Variants in TRDN observed in about 807,000 individuals in gnomAD.
TRDN encodes triadin in skeletal muscle.
In TRDN, 161 loss-of-function variants were observed where a neutral mutation model predicts 149.7. That is an observed-to-expected ratio of 1.08 (90% CI 0.95 to 1.23). TRDN has a LOEUF of 1.23. Among genes scored for constraint, TRDN ranks in the 50% most tolerant of loss-of-function variants. The probability of loss-of-function intolerance (pLI) is 0.00; values close to 1 mark genes in which losing one functional copy is unlikely to be tolerated. For missense variants in TRDN, 896 were observed against 823.5 expected, an observed-to-expected ratio of 1.09 and a Z score of -1.08; for synonymous variants, 294 against 250.5, an observed-to-expected ratio of 1.17 and a Z score of -1.64.
In TRDN at chr6:123,237,167, C is replaced by T. The variant is rs960643249; in HGVS notation, c.1976-13036G>A. 3.3e-4 allele frequency among the ~76,000 whole-genome samples: 23 copies of T among 69,542 alleles called. No individual in the cohort carries two copies. The Admixed American group carries it at 3.3e-3, about 10-fold the overall frequency. The allele number at this position is 69,542 out of a possible 152,430, so 45.6% of individuals were successfully genotyped here. On this transcript the variant is annotated intron_variant, in intron 38 of 40. Coordinates refer to ENST00000334268, the MANE Select transcript of TRDN (RefSeq NM_006073.4). The stretch of plus-strand genomic sequence containing the variant: ...CATAAGTATTTCATATTAGGTAACA[C>T]GAACTAATTTTTTTTAAATTTTGTT...
At chr6:123,236,743 T>G (rs1228709751) in intron 38 of TRDN, among the ~76,000 whole-genome samples, 2 of 152,144 alleles carry the variant, frequency 1.3e-5, no homozygotes, top group Non-Finnish European at 2.9e-5. Context: ...ACAAATCAAA[T>G]GGTTATGTTA....
intron 2 of TRDN, among the ~76,000 whole-genome samples, chr6:123,561,863 AC>A (rs552993702): frequency 2.0e-5 from 3 of 149,470 alleles, no homozygotes; most frequent in Non-Finnish European, 3.0e-5. Flanking sequence ...TTTCCATACC[AC>A]CCCCCAAAAA....
chr6:123,619,356 G>T (rs1190012300), intron 1 of TRDN, among the ~76,000 whole-genome samples: 3 of 152,122 alleles, frequency 2.0e-5, no homozygotes, highest in African/African-American at 7.2e-5. Context: ...CATTCACATT[G>T]CTGGAAAGTT....
At chr6:123,323,571 A>G (rs1562262049) in intron 23 of TRDN, among the ~76,000 whole-genome samples, 1 of 152,186 alleles carries the variant, frequency 6.6e-6, no homozygotes, top group South Asian at 2.1e-4. Flanking sequence ...TCATGACTCA[A>G]TGCTTTATGC....
chr6:123,330,856 T>A (rs565538009), intron 23 of TRDN, among the ~76,000 whole-genome samples: 4 of 152,152 alleles, frequency 2.6e-5, no homozygotes, highest in Admixed American at 1.3e-4. Context: ...CCTCTCCCGC[T>A]GATCTCCATA....
chr6:123,364,215 C>T (rs982496639), intron 20 of TRDN, among the ~76,000 whole-genome samples: 2 of 152,208 alleles, frequency 1.3e-5, no homozygotes, highest in Non-Finnish European at 2.9e-5. Flanking sequence ...TTTCTTCTAA[C>T]AATATCCAGG....
intron 32 of TRDN, among the ~76,000 whole-genome samples, chr6:123,265,624 A>T (rs1001544485): frequency 6.7e-6 from 1 of 149,380 alleles, no homozygotes; most frequent in Non-Finnish European, 1.5e-5. Flanking sequence ...AATGCTCACA[A>T]AAATCTGAAC....
At chr6:123,311,435 G>T (rs1478394748) in intron 24 of TRDN, among the ~76,000 whole-genome samples, 1 of 151,924 alleles carries the variant, frequency 6.6e-6, no homozygotes, top group African/African-American at 2.4e-5. Context: ...TTATGGAGTG[G>T]CTCCATCAAT....
chr6:123,505,244 CAAAAAAAAAAAAAA>C (rs34096424), intron 7 of TRDN, among the ~76,000 whole-genome samples: 2 of 77,068 alleles, frequency 2.6e-5, no homozygotes, highest in Non-Finnish European at 4.4e-5. Flanking sequence ...AACTCTGTCT[CAAAAAAAAAAAAAA>C]AAAAAAAAAA....
At chr6:123,270,505 T>A (rs1777170049) in intron 30 of TRDN, among the ~76,000 whole-genome samples, 1 of 151,958 alleles carries the variant, frequency 6.6e-6, no homozygotes, top group South Asian at 2.1e-4. Flanking sequence ...GATTTCTGTC[T>A]TGGAATCAAA....
At chr6:123,440,977 GAGC>G (rs968450546) in intron 10 of TRDN, 2 of 151,172 alleles carry the variant, frequency 1.3e-5, no homozygotes, top group African/African-American at 4.9e-5. Flanking sequence ...TCATGAATAA[GAGC>G]AGAAGTCCAC....
chr6:123,426,739 C>T (rs1468106409), intron 12 of TRDN, among the ~76,000 whole-genome samples: 1 of 152,016 alleles, frequency 6.6e-6, no homozygotes, highest in Non-Finnish European at 1.5e-5. Flanking sequence ...CATTTTTGAC[C>T]TTATATTCCA....
At chr6:123,483,847 G>C (rs1406041655) in intron 9 of TRDN, among the ~76,000 whole-genome samples, 1 of 152,164 alleles carries the variant, frequency 6.6e-6, no homozygotes, top group Non-Finnish European at 1.5e-5. Flanking sequence ...CTCAGATGTT[G>C]ATGAAGATGT....
chr6:123,412,853 T>C (rs1773498714), intron 12 of TRDN, among the ~76,000 whole-genome samples: 1 of 151,992 alleles, frequency 6.6e-6, no homozygotes, highest in Admixed American at 6.6e-5. Context: ...TGTGATAAAA[T>C]CATAAGAAAA....
At chr6:123,567,807 A>G (rs1279130825) in intron 2 of TRDN, among the ~76,000 whole-genome samples, 1 of 152,182 alleles carries the variant, frequency 6.6e-6, no homozygotes, top group Admixed American at 6.5e-5. Flanking sequence ...ACAATTTGAC[A>G]TGAGATTATA....
At chr6:123,276,681 G>T (rs1177851427) in intron 26 of TRDN, among the ~76,000 whole-genome samples, 1 of 152,078 alleles carries the variant, frequency 6.6e-6, no homozygotes, top group East Asian at 1.9e-4. Flanking sequence ...TAGAGATGTG[G>T]TTATCCAGGA....
At chr6:123,262,640 T>C (rs1776812450) in intron 33 of TRDN, among the ~76,000 whole-genome samples, 1 of 152,114 alleles carries the variant, frequency 6.6e-6, no homozygotes. Flanking sequence ...GTTGACAGTT[T>C]GTAGCAACCC....
chr6:123,298,755 G>A (rs1176838426), intron 24 of TRDN, among the ~76,000 whole-genome samples: 1 of 151,954 alleles, frequency 6.6e-6, no homozygotes, highest in East Asian at 1.9e-4. Context: ...AAATATTGGG[G>A]AGGGAGTTGC....
Position 123,511,022 on chromosome 6 carries a change from T to A in TRDN, c.610+1281A>T, listed in dbSNP as rs550637869. ...TGTCTATTTTTGCTTTGGTTACCTA[T>A]GCTTTTGAGGTCTTACTCAAGAAAT... On this transcript the variant is annotated intron_variant, in intron 7 of 40. Transcript: ENST00000334268. Among the ~76,000 whole-genome samples the A allele has an allele frequency of 2.6e-5, 4 of 152,338 alleles. No individual in the cohort carries two copies. The East Asian group carries it at 5.8e-4, about 22-fold the overall frequency.
Sources: gnomAD v4.1 joint callset for allele counts (sites outside exome capture counted in the v4.1 genomes callset) on GRCh38, gnomAD v4.1.1 for gene constraint, MANE v1.5 for transcripts, NCBI Gene and HGNC (gene_info 2026-07-23, HGNC 2026-07-21) for gene names.